RAD51B: variants seen among roughly 807,000 people sequenced by gnomAD.
RAD51B encodes RAD51 paralog B.
In RAD51B, 38 loss-of-function variants were observed where a neutral mutation model predicts 42.2. That is an observed-to-expected ratio of 0.90 (90% CI 0.70 to 1.18). The LOEUF is 1.18. Among genes scored for constraint, RAD51B ranks in the 50% most tolerant of loss-of-function variants. The probability of loss-of-function intolerance (pLI) is 0.00; values close to 1 mark genes in which losing one functional copy is unlikely to be tolerated. For missense variants in RAD51B, 373 were observed against 400.7 expected, an observed-to-expected ratio of 0.93 and a Z score of 0.59; for synonymous variants, 154 against 145.2, an observed-to-expected ratio of 1.06 and a Z score of -0.43.
intron 10 of RAD51B, among the ~76,000 whole-genome samples, chr14:68,609,384 G>A (rs1595024690): frequency 6.6e-6 from 1 of 151,836 alleles, no homozygotes; most frequent in Non-Finnish European, 1.5e-5. Context: ...CTCTCAGCAC[G>A]CCCCTTACTG....
At chr14:68,340,329 G>GA (rs1350306619) in intron 8 of RAD51B, among the ~76,000 whole-genome samples, 1 of 152,204 alleles carries the variant, frequency 6.6e-6, no homozygotes, top group Non-Finnish European at 1.5e-5. Context: ...CATCTGTAGA[G>GA]AAAATCTACA....
chr14:67,918,902 C>T (rs1406311073), intron 7 of RAD51B, among the ~76,000 whole-genome samples: 1 of 152,142 alleles, frequency 6.6e-6, no homozygotes, highest in African/African-American at 2.4e-5. Flanking sequence ...CTACACATCT[C>T]CCCACAGGAA....
intron 7 of RAD51B, among the ~76,000 whole-genome samples, chr14:68,088,006 T>A (rs1296718196): frequency 7.6e-6 from 1 of 131,902 alleles, no homozygotes; most frequent in Non-Finnish European, 1.6e-5. Flanking sequence ...TATATATAAT[T>A]ATATAATATA....
intron 10 of RAD51B, among the ~76,000 whole-genome samples, chr14:68,554,915 C>T (rs1444012245): frequency 6.7e-6 from 1 of 149,590 alleles, no homozygotes; most frequent in Non-Finnish European, 1.5e-5. Context: ...GTGGCATAAT[C>T]TCAGCTCACT....
intron 7 of RAD51B, among the ~76,000 whole-genome samples, chr14:68,141,605 C>A (rs552851272): frequency 1.3e-5 from 2 of 152,040 alleles, no homozygotes; most frequent in African/African-American, 4.8e-5. Context: ...TGTTTTCTGA[C>A]GTTTGGGTAT....
chr14:67,927,801 A>T (rs1167724297), intron 7 of RAD51B, among the ~76,000 whole-genome samples: 2 of 150,434 alleles, frequency 1.3e-5, no homozygotes, highest in East Asian at 3.9e-4. Flanking sequence ...TGTGTCTTTT[A>T]TGGTTCCATA....
intron 7 of RAD51B, among the ~76,000 whole-genome samples, chr14:68,135,702 G>A (rs1024962207): frequency 2.6e-5 from 4 of 152,128 alleles, no homozygotes; most frequent in African/African-American, 9.7e-5. Flanking sequence ...TGCTTTCAGT[G>A]CTTTGGGAGT....
At chr14:68,578,829 G>T (rs1890084013) in intron 10 of RAD51B, among the ~76,000 whole-genome samples, 1 of 152,192 alleles carries the variant, frequency 6.6e-6, no homozygotes, top group Non-Finnish European at 1.5e-5. Flanking sequence ...CATGCTCAAG[G>T]GATAGCTAAT....
intron 7 of RAD51B, among the ~76,000 whole-genome samples, chr14:68,237,934 C>T (rs964511596): frequency 2.6e-5 from 4 of 151,944 alleles, no homozygotes; most frequent in African/African-American, 4.8e-5. Context: ...GGTGTTTCAC[C>T]GTGTTGGCCA....
chr14:68,022,326 T>C (rs79646455), intron 7 of RAD51B, among the ~76,000 whole-genome samples: 1 of 152,210 alleles, frequency 6.6e-6, no homozygotes, highest in Non-Finnish European at 1.5e-5. Context: ...CTTTATCCGA[T>C]CCATTATTGA....
chr14:68,483,080 T>G (rs1256793250), downstream of RAD51B, among the ~76,000 whole-genome samples: 1 of 152,222 alleles, frequency 6.6e-6, no homozygotes, highest in African/African-American at 2.4e-5. Flanking sequence ...GATTGAGCAC[T>G]GATAATTAAG....
In RAD51B at chr14:68,365,460, G is replaced by C. The variant is rs149886602; in HGVS notation, c.854-45964G>C. Among the ~76,000 whole-genome samples, 460 of 152,334 alleles carry C rather than the reference G, an allele frequency of 3.0e-3. 3 individuals carry two copies. The highest frequency in any genetic ancestry group is 5.7e-3 in the Admixed American group (87 of 15,298). ...TATTATCTGTAAAGGCTTCCTATTT[G>C]ATGAATCATGGTGTATCATACAATC... On this transcript the variant is annotated intron_variant, in intron 8 of 10. Transcript: ENST00000471583.
chr14:68,473,017 C>T (rs914774836), intron 10 of RAD51B, among the ~76,000 whole-genome samples: 1 of 152,192 alleles, frequency 6.6e-6, no homozygotes, highest in African/African-American at 2.4e-5. Flanking sequence ...ACTGAGCCAG[C>T]TGGATGATTT....
chr14:68,541,056 AAG>A, intron 10 of RAD51B: 11 of 985,380 alleles, frequency 1.1e-5, no homozygotes, highest in Non-Finnish European at 1.3e-5. Flanking sequence ...GTCATAAAAG[AAG>A]AGGGTATGCC....
At chr14:68,595,346 G>A in exon 11 of RAD51B, 1 of 1,066,398 alleles carries the variant, frequency 9.4e-7, no homozygotes, top group Non-Finnish European at 1.1e-6. Context: ...AGAAGACCAG[G>A]GCCAAAGGGA....
chr14:68,476,444 C>T (rs28376370), intron 10 of RAD51B, among the ~76,000 whole-genome samples: 12,066 of 152,194 alleles, frequency 0.079, 1,022 homozygotes, highest in African/African-American at 0.21. Flanking sequence ...ATAAAGGCAA[C>T]GTTGAGAGTC....
At chr14:67,870,826 C>T (rs2140007461) in intron 5 of RAD51B, among the ~76,000 whole-genome samples, 1 of 118,702 alleles carries the variant, frequency 8.4e-6, no homozygotes, top group South Asian at 2.5e-4. Context: ...CAACCTGCTC[C>T]TGAGTGACTA....
intron 9 of RAD51B, among the ~76,000 whole-genome samples, chr14:68,433,596 A>G (rs2085069307): frequency 1.3e-5 from 2 of 152,180 alleles, no homozygotes; most frequent in Admixed American, 1.3e-4. Flanking sequence ...TCTCAGCTCC[A>G]TCAGGTCATT....
intron 10 of RAD51B, among the ~76,000 whole-genome samples, chr14:68,640,375 G>A (rs1490247685): frequency 2.0e-5 from 3 of 152,194 alleles, no homozygotes; most frequent in African/African-American, 4.8e-5. Flanking sequence ...TAAATGGGCA[G>A]ACTGGTAGCT....
Sources: gnomAD v4.1 joint callset for allele counts (sites outside exome capture counted in the v4.1 genomes callset) on GRCh38, gnomAD v4.1.1 for gene constraint, MANE v1.5 for transcripts, NCBI Gene and HGNC (gene_info 2026-07-23, HGNC 2026-07-21) for gene names.